The following PIDD1 variants were observed in gnomAD, a reference collection of about 807,000 sequenced individuals.
PIDD1 encodes p53-induced death domain protein 1, also known as p53-induced death domain-containing protein 1.
Under a neutral mutation model 80.0 loss-of-function variants are expected in PIDD1, and 72 were observed. The ratio of observed to expected loss-of-function variants is 0.90; its 90% CI spans 0.74 to 1.09. PIDD1 has a LOEUF of 1.09. Among genes scored for constraint, PIDD1 ranks in the 50% least tolerant of loss-of-function variants. PIDD1 has a pLI of 0.00. For synonymous variants in PIDD1, 655 were observed against 543.5 expected, an observed-to-expected ratio of 1.21 and a Z score of -2.85; for missense variants, 1,329 against 1,228.3, an observed-to-expected ratio of 1.08 and a Z score of -1.23.
intron 2 of PIDD1, 182 bp downstream of exon 2, chr11:803,912 G>C (rs573251634): frequency 9.8e-6 from 7 of 716,464 alleles, no homozygotes; most frequent in Non-Finnish European, 1.6e-5. Context: ...CACACTGGGG[G>C]TGGTGATCAC....
upstream of PIDD1, chr11:805,603 G>A: frequency 3.0e-6 from 3 of 984,710 alleles, no homozygotes; most frequent in Non-Finnish European, 3.6e-6. Context: ...TCTTGCCGCT[G>A]CCCCGCACCC....
chr11:801,347 G>C lies in PIDD1; in HGVS notation c.1501C>G (p.Arg501Gly). Reference sequence around the variant, plus strand: ...TCTCCCAGGAGGGCCTGCAGCTCTCGGCCAGCCATGCGCACCACCTGGGGC... The same window carrying C: ...TCTCCCAGGAGGGCCTGCAGCTCTCCGCCAGCCATGCGCACCACCTGGGGC... Reference protein sequence around the residue: ...VSMQVVRMAGRELQALLGEPE... With the variant: ...VSMQVVRMAGGELQALLGEPE... The change falls in exon 9 of 16, where the codon CGA becomes GGA. Residue 501 changes from arginine (R) to glycine (G), a missense_variant. Physicochemically the swap from Arg to Gly is moderately radical, Grantham distance 125 (BLOSUM62 -2). Transcript: ENST00000347755. 6.2e-7 allele frequency: 1 copy of C among 1,609,290 alleles called. No homozygotes were observed. Among genetic ancestry groups the C allele is most frequent in the Non-Finnish European group, 8.5e-7 (1 of 1,178,166 alleles).
At chr11:801,189 T>C in intron 9 of PIDD1, 29 bp downstream of exon 9, 1 of 1,544,696 alleles carries the variant, frequency 6.5e-7, no homozygotes, top group Non-Finnish European at 8.7e-7. Flanking sequence ...TGGCCACAGG[T>C]CCAGGTATGC....
chr11:805,713 AGACCCTTCCTTTCGAG>A, upstream of PIDD1: 1 of 982,654 alleles, frequency 1.0e-6, no homozygotes, highest in Non-Finnish European at 1.2e-6. Context: ...GGGCCTGCAA[AGACCCTTCCTTTCGAG>A]CCATCACTCT....
Position 799,489 on chromosome 11 carries a change from C to A in PIDD1, c.2551G>T (p.Gly851Trp). The change falls in exon 16 of 16, where the codon GGG (glycine) becomes TGG (tryptophan). Residue 851 changes from glycine (G) to tryptophan (W), a missense_variant. Gly to Trp is a radical substitution (Grantham distance 184). Transcript: ENST00000347755. ...ERQAGQPGAV[G>W]LLVQALEQSD... ...TGCTCCAGGGCCTGCACCAGGAGCC[C>A]CACAGCCCCTGGCTGCCCAGCCTGG... 6.2e-7 allele frequency: 1 copy of A among 1,608,368 alleles called. No homozygotes were observed.
At chr11:801,844 G>T in intron 7 of PIDD1, 121 bp downstream of exon 7, 1 of 1,352,068 alleles carries the variant, frequency 7.4e-7, no homozygotes. Flanking sequence ...GGGACATAGG[G>T]AAGCAGGATC....
At chr11:799,589 G>A (rs1191219501) in intron 15 of PIDD1, 24 bp from the exon 16 acceptor site, 1 of 1,573,562 alleles carries the variant, frequency 6.4e-7, no homozygotes, top group Non-Finnish European at 8.6e-7. Context: ...ATGGGCGACA[G>A]AGGGGTCCTG....
At chr11:802,520 A>G in intron 5 of PIDD1, 23 bp downstream of exon 5, 1 of 1,612,060 alleles carries the variant, frequency 6.2e-7, no homozygotes. Flanking sequence ...ACTCCCCTCC[A>G]GCCCCCTCAA....
Position 805,225 on chromosome 11 carries a change from G to C in PIDD1, c.-122C>G, listed in dbSNP as rs970006061. The C allele has an allele frequency of 3.5e-5, 34 of 983,374 alleles. No homozygotes were observed. The East Asian group carries it at 4.6e-4, about 13-fold the overall frequency. The allele number at this position is 983,374 out of a possible 1,614,324, so 60.9% of individuals were successfully genotyped here. ...AAGGGTGGCTGCTCAGCGGGCGCTCGGCGCCTGGGATCCCGCCGGCGCGTT... is the reference window on the plus strand; with the variant it reads ...AAGGGTGGCTGCTCAGCGGGCGCTCCGCGCCTGGGATCCCGCCGGCGCGTT... On this transcript the variant is annotated 5_prime_UTR_variant, in exon 1 of 16. Coordinates refer to ENST00000347755, the MANE Select transcript of PIDD1 (RefSeq NM_145886.4).
At position 801,381 on chromosome 11, in the gene PIDD1, C is replaced by A. The variant is rs779780709; in HGVS notation, c.1483-16G>T. Reference sequence around the variant, plus strand: ...TGCGCACCACCTGGGGCAGACAGGCCCCCTGAGCACCTGCCTGTGGGCTGA... The same window carrying A: ...TGCGCACCACCTGGGGCAGACAGGCACCCTGAGCACCTGCCTGTGGGCTGA... On this transcript the variant is annotated splice_polypyrimidine_tract_variant and intron_variant, in intron 8 of 15. Transcript: ENST00000347755. 6 of 1,602,692 alleles carry A rather than the reference C, an allele frequency of 3.7e-6. No homozygotes were observed. In the African/African-American group the frequency reaches 5.4e-5, roughly 14 times the overall value.
rs757039430 is a variant in PIDD1 at position 801,240 on chromosome 11, C to G, written c.1608G>C (p.Leu536=). 1 of 1,562,808 alleles carries G rather than the reference C, an allele frequency of 6.4e-7. No homozygotes were observed. The highest frequency in any genetic ancestry group is 1.2e-5 in the South Asian group (1 of 83,542). The part of the protein sequence containing the change: ...PSFLQPVTVQ[L]PLPSGITGLS... ...CACCTGTGATGCCAGAGGGCAGAGGCAGCTGCACGGTGACCGGTTGGAGGA... is the reference window on the plus strand; with the variant it reads ...CACCTGTGATGCCAGAGGGCAGAGGGAGCTGCACGGTGACCGGTTGGAGGA... Residue 536 remains leucine, a synonymous_variant, in exon 9 of 16, where the codon CTG becomes CTC. Coordinates refer to ENST00000347755, the MANE Select transcript of PIDD1 (RefSeq NM_145886.4).
Position 801,237 on chromosome 11 carries a change from A to G in PIDD1, c.1611T>C (p.Pro537=). 2 of 1,560,528 alleles carry G rather than the reference A, an allele frequency of 1.3e-6. No homozygotes were observed. Among genetic ancestry groups the G allele is most frequent in the Non-Finnish European group, 1.7e-6 (2 of 1,150,408 alleles). Residue 537 remains proline, a synonymous_variant, in exon 9 of 16, where the codon CCT becomes CCC. Coordinates refer to ENST00000347755, the MANE Select transcript of PIDD1 (RefSeq NM_145886.4). ...SFLQPVTVQL[P]LPSGITGLSL... is the part of the protein sequence containing the mutation. ...TCTCACCTGTGATGCCAGAGGGCAG[A>G]GGCAGCTGCACGGTGACCGGTTGGA...
At chr11:802,167 C>A in intron 6 of PIDD1, 28 bp downstream of exon 6, 1 of 1,571,952 alleles carries the variant, frequency 6.4e-7, no homozygotes, top group Middle Eastern at 1.7e-4. Context: ...CTGGCCCACA[C>A]ACTGCCCCCG....
intron 7 of PIDD1, 77 bp downstream of exon 7, chr11:801,888 G>T (rs1025848487): frequency 1.3e-6 from 2 of 1,552,120 alleles, no homozygotes; most frequent in Non-Finnish European, 1.7e-6. Context: ...AGGTGCCAGG[G>T]TGAGGCTCTG....
chr11:799,257 T>G lies in PIDD1; in HGVS notation c.*50A>C, dbSNP rs1865000073. The G allele has an allele frequency of 6.6e-7, 1 of 1,510,758 alleles. No homozygotes were observed. 93.6% of individuals were successfully genotyped at this position (1,510,758 alleles called of 1,614,324 possible). ...ACTGGAGAGACTTGAAGGTGGGGGC[T>G]CTGCCCATCCACTGGGGAATATCTG... On this transcript the variant is annotated 3_prime_UTR_variant, in exon 16 of 16. Transcript: ENST00000347755.
chr11:800,585 CTT>C lies in PIDD1; in HGVS notation c.1997_1998del (p.Glu666GlyfsTer15). 1.3e-6 allele frequency: 2 copies of C among 1,583,242 alleles called. No homozygotes were observed. The highest frequency in any genetic ancestry group is 1.7e-6 in the Non-Finnish European group (2 of 1,164,138). On this transcript the variant is annotated frameshift_variant, in exon 12 of 16. Coordinates refer to ENST00000347755, the MANE Select transcript of PIDD1 (RefSeq NM_145886.4). LOFTEE classifies it high-confidence loss of function. Reference sequence around the variant, plus strand: ...CCGCGCTCGAAGGCCGCAAAGAACTCTTCGCCCTCGAACATCTCCACCGTGTC... The same window carrying C: ...CCGCGCTCGAAGGCCGCAAAGAACTCCGCCCTCGAACATCTCCACCGTGTC... ...PSDTVEMFEG[E>X]EFFAAFERGI... is the part of the protein sequence containing the mutation.
Position 800,840 on chromosome 11 carries a change from C to A in PIDD1, c.1839G>T (p.Leu613=), listed in dbSNP as rs765428684. Residue 613 remains leucine, a synonymous_variant, in exon 11 of 16, where the codon CTG becomes CTT. Coordinates refer to ENST00000347755, the MANE Select transcript of PIDD1 (RefSeq NM_145886.4). Reference sequence around the variant, plus strand: ...GCAGAGCGATGAGGTTCACACGGTGCAGCCGCAGCCGCTCCCAGGCCTTCC... The same window carrying A: ...GCAGAGCGATGAGGTTCACACGGTGAAGCCGCAGCCGCTCCCAGGCCTTCC... ...LARKAWERLR[L]HRVNLIALQR... is the part of the protein sequence containing the mutation. 1 of 1,567,676 alleles carries A rather than the reference C, an allele frequency of 6.4e-7. No homozygotes were observed. Among genetic ancestry groups the A allele is most frequent in the South Asian group, 1.2e-5 (1 of 85,876 alleles).
At chr11:808,105 TAC>T, upstream of PIDD1, among the ~76,000 whole-genome samples, 1 of 141,386 alleles carries the variant, frequency 7.1e-6, no homozygotes, top group African/African-American at 2.7e-5. Flanking sequence ...CTTTAATAGG[TAC>T]AGAGTTTGTT....
intron 13 of PIDD1, 30 bp downstream of exon 13, chr11:800,303 C>T: frequency 4.3e-6 from 7 of 1,612,600 alleles, no homozygotes; most frequent in Non-Finnish European, 5.9e-6. Context: ...GCCTGGGGGG[C>T]CTCTCCCCTC....
Sources: gnomAD v4.1 joint callset for allele counts (sites outside exome capture counted in the v4.1 genomes callset) on GRCh38, gnomAD v4.1.1 for gene constraint, MANE v1.5 for transcripts, NCBI Gene and HGNC (gene_info 2026-07-23, HGNC 2026-07-21) for gene names.